Variants in ITM2B observed in about 807,000 individuals in gnomAD.
ITM2B encodes the protein ABri/ADan amyloid peptide.
ITM2B carries 11 observed loss-of-function variants against 27.8 expected under a neutral mutation model. The observed-to-expected ratio is 0.40, with a 90% CI of 0.25 to 0.66. The LOEUF (loss-of-function observed/expected upper bound fraction) is 0.66. Ranked by LOEUF, ITM2B falls within the 30% of genes least tolerant of loss-of-function variation. The pLI, the probability that ITM2B is intolerant of heterozygous loss-of-function variation, is 0.43. For synonymous variants in ITM2B, 114 were observed against 114.3 expected (o/e 1.00, Z 0.02); for missense variants, 296 against 328.9 (o/e 0.90, Z 0.77).
intron 1 of ITM2B, among the ~76,000 whole-genome samples, chr13:48,243,151 C>T (rs1023742647): frequency 6.6e-6 from 1 of 152,320 alleles, no homozygotes; most frequent in East Asian, 1.9e-4. Context: ...CTCTGATCGT[C>T]CTCTTCAAAG....
intron 5 of ITM2B, among the ~76,000 whole-genome samples, chr13:48,259,797 G>A (rs1158747792): frequency 6.6e-6 from 1 of 151,202 alleles, no homozygotes; most frequent in Non-Finnish European, 1.5e-5. Context: ...GGGTACAGAT[G>A]ATCCCATCAC....
intron 5 of ITM2B, 76 bp downstream of exon 5, chr13:48,259,023 A>G (rs1184317512): frequency 2.0e-6 from 2 of 1,024,280 alleles, no homozygotes; most frequent in Non-Finnish European, 1.5e-6. Context: ...AAGCCTAGTC[A>G]TTGTTACCAA....
Position 48,261,228 on chromosome 13 carries a change from G to GT in ITM2B, c.*5dup. ...GGAAACTTTAATTTGTTCTTGAACAGTCAAGAAAAACATTATTGAGGAAAA... is the reference window on the plus strand; with the variant it reads ...GGAAACTTTAATTTGTTCTTGAACAGTTCAAGAAAAACATTATTGAGGAAAA... On this transcript the variant is annotated 3_prime_UTR_variant, in exon 6 of 6. Coordinates refer to ENST00000647800, the MANE Select transcript of ITM2B (RefSeq NM_021999.5). The GT allele has an allele frequency of 6.3e-7, 1 of 1,591,594 alleles. No homozygotes were observed. The highest frequency in any genetic ancestry group is 8.6e-7 in the Non-Finnish European group (1 of 1,160,122).
Position 48,266,117 on chromosome 13 carries a change from A to C in ITM2B, c.*4893A>C, listed in dbSNP as rs1352747504. 1.3e-5 allele frequency: 2 copies of C among 152,106 alleles called. No individual in the cohort carries two copies. The highest frequency in any genetic ancestry group is 2.9e-5 in the Non-Finnish European group (2 of 68,036). 9.4% of individuals were successfully genotyped at this position (152,106 alleles called of 1,614,324 possible). A position where few individuals can be genotyped will look rare whatever the true frequency, so the allele number is the denominator to read the frequency against. On this transcript the variant is annotated 3_prime_UTR_variant, in exon 6 of 6. Coordinates refer to ENST00000647800, the MANE Select transcript of ITM2B (RefSeq NM_021999.5). The stretch of plus-strand genomic sequence containing the variant: ...TTGTCTGACTTTCTCCTCAGATCTC[A>C]TCCCCATGGGTCTGAGTGAGTTGCC...
chr13:48,253,151 G>A (rs1371831889), intron 1 of ITM2B, among the ~76,000 whole-genome samples: 1 of 152,130 alleles, frequency 6.6e-6, no homozygotes, highest in Non-Finnish European at 1.5e-5. Context: ...AAAAGAAAGT[G>A]AAGAATTTTA....
chr13:48,237,968 A>G (rs566302501), intron 1 of ITM2B, among the ~76,000 whole-genome samples: 19 of 152,306 alleles, frequency 1.2e-4, no homozygotes, highest in African/African-American at 3.4e-4. Flanking sequence ...GTGGCATTTT[A>G]TTAGAGCTTA....
At chr13:48,239,504 C>T (rs938461106) in intron 1 of ITM2B, among the ~76,000 whole-genome samples, 5 of 152,172 alleles carry the variant, frequency 3.3e-5, no homozygotes, top group Non-Finnish European at 7.4e-5. Flanking sequence ...TGGTGGCATG[C>T]GCCTGTGATT....
Position 48,265,531 on chromosome 13 carries a change from A to G in ITM2B, c.*4307A>G, listed in dbSNP as rs77112681. 0.021 allele frequency: 3,218 copies of G among 152,640 alleles called. 112 individuals are homozygous for G. Among genetic ancestry groups the G allele is most frequent in the African/African-American group, 0.072 (3,005 of 41,508 alleles). The allele number at this position is 152,640 out of a possible 1,614,324, so 9.5% of individuals were successfully genotyped here. On this transcript the variant is annotated 3_prime_UTR_variant, in exon 6 of 6. Transcript: ENST00000647800. ...TCCAAAACACGAACTTGATGGTTTC[A>G]TTGTCACACCCCAGCTTAAAACACT...
intron 1 of ITM2B, among the ~76,000 whole-genome samples, 179 bp downstream of exon 1, chr13:48,233,656 G>T (rs563129533): frequency 6.6e-6 from 1 of 152,294 alleles, no homozygotes; most frequent in East Asian, 1.9e-4. Flanking sequence ...GTAAGGAAGT[G>T]CGTGTGCTGG....
At chr13:48,242,384 A>G (rs548834634) in intron 1 of ITM2B, among the ~76,000 whole-genome samples, 2 of 151,116 alleles carry the variant, frequency 1.3e-5, no homozygotes, top group South Asian at 4.2e-4. Flanking sequence ...CAGGTAACTT[A>G]CCAAGTTTCT....
At chr13:48,257,833 G>T (rs1469320052) in intron 3 of ITM2B, among the ~76,000 whole-genome samples, 1 of 152,102 alleles carries the variant, frequency 6.6e-6, no homozygotes, top group South Asian at 2.1e-4. Context: ...TATAAGTGGG[G>T]AAGTTAAATT....
rs566536064 is a variant in ITM2B at position 48,269,710 on chromosome 13, T to TA, written c.*8488dup. 1.6e-3 allele frequency: 241 copies of TA among 152,366 alleles called. 1 individual carries two copies. Among genetic ancestry groups the TA allele is most frequent in the Non-Finnish European group, 2.9e-3 (200 of 68,056 alleles). The allele number at this position is 152,366 out of a possible 1,614,324, so 9.4% of individuals were successfully genotyped here. A position where few individuals can be genotyped will look rare whatever the true frequency, so the allele number is the denominator to read the frequency against. On this transcript the variant is annotated 3_prime_UTR_variant, in exon 6 of 6. Coordinates refer to ENST00000647800, the MANE Select transcript of ITM2B (RefSeq NM_021999.5). ...CCAAGGCTCACTGCCTTCCTTCAGT[T>TA]AAGTCTGCTGGAATGTCACTTCATT...
intron 1 of ITM2B, among the ~76,000 whole-genome samples, chr13:48,238,846 G>A (rs1404345808): frequency 1.3e-5 from 2 of 152,108 alleles, no homozygotes; most frequent in African/African-American, 4.8e-5. Flanking sequence ...GTGAAAGCAA[G>A]TTTATTAAGA....
intron 2 of ITM2B, 85 bp downstream of exon 2, chr13:48,254,021 C>A: frequency 7.5e-7 from 1 of 1,338,066 alleles, no homozygotes. Context: ...TTACAACTTG[C>A]GCTAAGCTTG....
At chr13:48,243,557 G>A (rs1387282417) in intron 1 of ITM2B, among the ~76,000 whole-genome samples, 1 of 152,136 alleles carries the variant, frequency 6.6e-6, no homozygotes, top group Non-Finnish European at 1.5e-5. Context: ...GGCCGGGCAT[G>A]GTGGCTCACG....
chr13:48,256,064 G>C, intron 2 of ITM2B, 113 bp from the exon 3 acceptor site: 1 of 763,218 alleles, frequency 1.3e-6, no homozygotes, highest in South Asian at 1.4e-5. Context: ...TCATCTAAAA[G>C]CAAGAGTTTG....
At chr13:48,239,221 A>G (rs774345741) in intron 1 of ITM2B, among the ~76,000 whole-genome samples, 79 of 152,118 alleles carry the variant, frequency 5.2e-4, no homozygotes, top group Admixed American at 1.0e-3. Context: ...TTTCCTGTCT[A>G]TCAGTTTTAC....
At chr13:48,256,130 C>T in intron 2 of ITM2B, 47 bp from the exon 3 acceptor site, 2 of 1,400,860 alleles carry the variant, frequency 1.4e-6, no homozygotes, top group Non-Finnish European at 2.0e-6. Context: ...TATTTAAAAA[C>T]CTGTCTCATG....
chr13:48,244,113 G>A (rs1327433859), intron 1 of ITM2B, among the ~76,000 whole-genome samples: 5 of 152,136 alleles, frequency 3.3e-5, no homozygotes, highest in East Asian at 1.9e-4. Context: ...TACTTCCATA[G>A]GGGATCTATT....
Sources: allele counts gnomAD v4.1 joint callset (sites outside exome capture counted in the v4.1 genomes callset), GRCh38; gene constraint gnomAD v4.1.1; transcripts MANE v1.5; gene names NCBI Gene and HGNC (gene_info 2026-07-23, HGNC 2026-07-21).